Variants in PP2D1 observed in about 807,000 individuals in gnomAD.
PP2D1 encodes protein phosphatase 2C like domain containing 1, also known as protein phosphatase 2C-like domain-containing protein 1.
Under a neutral mutation model 30.2 loss-of-function variants are expected in PP2D1, and 25 were observed. That is an observed-to-expected ratio of 0.83 (90% CI 0.60 to 1.16). The LOEUF is 1.16. PP2D1 is among the 50% of genes most tolerant of loss of function. The pLI is 0.00. For synonymous variants in PP2D1, 260 were observed against 258.9 expected (o/e 1.00, Z -0.04); for missense variants, 760 against 742.4 (o/e 1.02, Z -0.28).
In PP2D1 at chr3:19,985,560, T is replaced by C; in HGVS notation, c.1713A>G (p.Pro571=). Residue 571 remains proline, a synonymous_variant, in exon 3 of 3, where the codon CCA becomes CCG. Transcript: ENST00000389050. ...KPCSEKVTDR[P]TSVNDVATNE... ...TTGTTGCCACATCATTTACACTAGT[T>C]GGTCTGTCAGTTACTTTTTCACTGC... is the stretch of plus-strand genomic sequence containing the variant. The C allele has an allele frequency of 6.5e-7, 1 of 1,536,098 alleles. No individual in the cohort carries two copies. Among genetic ancestry groups the C allele is most frequent in the African/African-American group, 1.4e-5 (1 of 73,170 alleles).
chr3:20,009,224 G>A (rs763932840), intron 1 of PP2D1, among the ~76,000 whole-genome samples: 2 of 152,182 alleles, frequency 1.3e-5, no homozygotes, highest in Non-Finnish European at 2.9e-5. Context: ...CACTTTGGGA[G>A]GCTGAGGTAA....
Position 19,986,137 on chromosome 3 carries a change from A to G in PP2D1, c.1136T>C (p.Leu379Pro). 1 of 1,527,790 alleles carries G rather than the reference A, an allele frequency of 6.5e-7. No homozygotes were observed. The highest frequency in any genetic ancestry group is 8.7e-7 in the Non-Finnish European group (1 of 1,144,420). The allele number at this position is 1,527,790 out of a possible 1,614,324, so 94.6% of individuals were successfully genotyped here. Residue 379 changes from leucine (L) to proline (P), a missense_variant, in exon 3 of 3, where the codon CTA (leucine) becomes CCA (proline). Coordinates refer to ENST00000389050, the MANE Select transcript of PP2D1 (RefSeq NM_001252657.2). ...GTTTCGTGTAGTATGTTCTTTGGTTAGGCAAAAACCTTTCCCATTTCTGCA... is the reference window on the plus strand; with the variant it reads ...GTTTCGTGTAGTATGTTCTTTGGTTGGGCAAAAACCTTTCCCATTTCTGCA... ...VLCRNGKGFC[L>P]TKEHTTRNTN...
intron 2 of PP2D1, among the ~76,000 whole-genome samples, chr3:19,987,807 G>A (rs1393697980): frequency 6.6e-6 from 1 of 152,186 alleles, no homozygotes; most frequent in African/African-American, 2.4e-5. Context: ...TGAACAGAGG[G>A]ACTGGCTGAA....
chr3:19,993,240 ATACAC>A (rs1205838185), intron 2 of PP2D1, among the ~76,000 whole-genome samples: 3 of 152,170 alleles, frequency 2.0e-5, no homozygotes, highest in African/African-American at 7.2e-5. Flanking sequence ...GGAATAACAG[ATACAC>A]TAAAGCACTC....
At chr3:20,005,230 G>A (rs912236111) in intron 1 of PP2D1, among the ~76,000 whole-genome samples, 8 of 151,582 alleles carry the variant, frequency 5.3e-5, no homozygotes, top group African/African-American at 9.7e-5. Context: ...TCGGCTCACC[G>A]CAACCTCCAC....
rs189184663 is a variant in PP2D1, at chr3:19,995,180, C to A, written c.1090+5850G>T. 4.6e-5 allele frequency among the ~76,000 whole-genome samples: 7 copies of A among 152,256 alleles called. No individual in the cohort carries two copies. In the East Asian group the frequency reaches 1.4e-3, roughly 29 times the overall value. On this transcript the variant is annotated intron_variant, in intron 2 of 2. Transcript: ENST00000389050. ...CCATATATCCAAAAACACAAATTTACTCCTAACACCCACAACCTGTCAATG... is the reference window on the plus strand; with the variant it reads ...CCATATATCCAAAAACACAAATTTAATCCTAACACCCACAACCTGTCAATG...
rs1244347105 is a variant in PP2D1, at chr3:19,999,190, C to T, written c.1090+1840G>A. Among the ~76,000 whole-genome samples, 5 of 93,908 alleles carry T rather than the reference C, an allele frequency of 5.3e-5. No individual in the cohort carries two copies. In the East Asian group the frequency reaches 1.2e-3, roughly 23 times the overall value. The allele number at this position is 93,908 out of a possible 152,430, so 61.6% of individuals were successfully genotyped here. A position where few individuals can be genotyped will look rare whatever the true frequency, so the allele number is the denominator to read the frequency against. ...CGCCTCCTGGGTTCACACCATTCTC[C>T]TGCCACAGCCTCCTGAGTAGCTGGG... is the stretch of plus-strand genomic sequence containing the variant. On this transcript the variant is annotated intron_variant, in intron 2 of 2. Transcript: ENST00000389050.
intron 2 of PP2D1, among the ~76,000 whole-genome samples, chr3:19,990,416 C>T (rs1697101816): frequency 6.6e-6 from 1 of 152,196 alleles, no homozygotes; most frequent in South Asian, 2.1e-4. Context: ...TCCCAAAATG[C>T]TGGGATTACA....
chr3:19,982,972 A>G (rs1046222002), downstream of PP2D1, among the ~76,000 whole-genome samples: 9 of 152,162 alleles, frequency 5.9e-5, no homozygotes, highest in African/African-American at 2.2e-4. Flanking sequence ...GAGAACGCTG[A>G]TATGAGCTGA....
intron 2 of PP2D1, among the ~76,000 whole-genome samples, chr3:19,992,871 A>G (rs1183390216): frequency 6.6e-6 from 1 of 152,182 alleles, no homozygotes; most frequent in Non-Finnish European, 1.5e-5. Context: ...GTGGCCACCA[A>G]TTTAAAAATT....
intron 1 of PP2D1, among the ~76,000 whole-genome samples, chr3:20,009,333 ACACCTGT>A (rs1289885107): frequency 6.6e-6 from 1 of 152,040 alleles, no homozygotes; most frequent in Non-Finnish European, 1.5e-5. Flanking sequence ...ATAGTGGTGC[ACACCTGT>A]AGTCCCAGCT....
intron 2 of PP2D1, among the ~76,000 whole-genome samples, chr3:19,995,285 G>A (rs141666612): frequency 2.0e-5 from 3 of 152,244 alleles, no homozygotes; most frequent in South Asian, 2.1e-4. Context: ...TTATCCAGGC[G>A]GGCCCAAATT....
intron 1 of PP2D1, among the ~76,000 whole-genome samples, chr3:20,006,610 C>A (rs544580702): frequency 6.6e-6 from 1 of 152,250 alleles, no homozygotes; most frequent in African/African-American, 2.4e-5. Context: ...TACAGGCGTG[C>A]ACCACCACGC....
chr3:19,987,781 G>A (rs868814213), intron 2 of PP2D1, among the ~76,000 whole-genome samples: 10 of 152,140 alleles, frequency 6.6e-5, no homozygotes, highest in Admixed American at 2.0e-4. Context: ...GCGTTGTTGC[G>A]GGAAGTCAGG....
chr3:19,995,450 AT>A (rs61541831), intron 2 of PP2D1, among the ~76,000 whole-genome samples: 111,548 of 152,010 alleles, frequency 0.73, 41,593 homozygotes, highest in Non-Finnish European at 0.77. Flanking sequence ...CCAAGGAAGG[AT>A]TTCTACCCTA....
chr3:19,996,513 G>T (rs376903305), intron 2 of PP2D1, among the ~76,000 whole-genome samples: 8 of 152,172 alleles, frequency 5.3e-5, no homozygotes, highest in South Asian at 2.1e-4. Flanking sequence ...TTATAAAAAA[G>T]AATTAACACC....
chr3:20,011,436 A>G (rs34872212), intron 1 of PP2D1, among the ~76,000 whole-genome samples: 22,346 of 152,092 alleles, frequency 0.15, 1,767 homozygotes, highest in South Asian at 0.21. Context: ...CAGCCATAAT[A>G]CAGCTCTATC....
intron 2 of PP2D1, chr3:19,996,838 T>C (rs763652345): frequency 1.3e-5 from 2 of 152,094 alleles, no homozygotes; most frequent in Non-Finnish European, 2.9e-5. Flanking sequence ...GCCAGTGAGG[T>C]TTAGCCACGT....
chr3:19,988,635 G>A (rs1017163332), intron 2 of PP2D1, among the ~76,000 whole-genome samples: 3 of 152,036 alleles, frequency 2.0e-5, no homozygotes, highest in Admixed American at 6.6e-5. Context: ...ACTCCCTCCC[G>A]TTTGAAAATC....
Sources: gnomAD v4.1 joint callset for allele counts (sites outside exome capture counted in the v4.1 genomes callset) on GRCh38, gnomAD v4.1.1 for gene constraint, MANE v1.5 for transcripts, NCBI Gene and HGNC (gene_info 2026-07-23, HGNC 2026-07-21) for gene names.